ACSM2A: variants seen among roughly 807,000 people sequenced by gnomAD.
ACSM2A encodes the protein acyl-CoA synthetase medium chain family member 2A.
A neutral mutation model predicts 76.6 loss-of-function variants in ACSM2A; 72 were observed. That is an observed-to-expected ratio of 0.94 (90% CI 0.78 to 1.14). The LOEUF (loss-of-function observed/expected upper bound fraction) is 1.14, where lower values mean the gene tolerates loss of function less well. Ranked by LOEUF, ACSM2A falls within the 50% of genes most tolerant of loss-of-function variation. The probability of loss-of-function intolerance (pLI) is 0.00; values close to 1 mark genes in which losing one functional copy is unlikely to be tolerated. For synonymous variants in ACSM2A, 249 were observed against 255.9 expected (o/e 0.97, Z 0.26); for missense variants, 684 against 708.5 (o/e 0.97, Z 0.39).
At chr16:20,471,866 G>A (rs1478893592) in intron 6 of ACSM2A, among the ~76,000 whole-genome samples, 177 bp downstream of exon 6, 3 of 152,162 alleles carry the variant, frequency 2.0e-5, no homozygotes, top group East Asian at 3.8e-4. Flanking sequence ...CATGTTCTGG[G>A]GTAGGAGAGA....
At chr16:20,471,359 T>C in intron 5 of ACSM2A, 143 bp downstream of exon 5, 1 of 1,496,040 alleles carries the variant, frequency 6.7e-7, no homozygotes, top group Admixed American at 2.1e-5. Context: ...GATGTGTGGA[T>C]AGAACAACTT....
In ACSM2A at chr16:20,486,829, C is replaced by A; in HGVS notation, c.*151C>A. 2.2e-6 allele frequency: 2 copies of A among 914,454 alleles called. No individual in the cohort carries two copies. Among genetic ancestry groups the A allele is most frequent in the South Asian group, 1.7e-5 (1 of 57,882 alleles). The allele number at this position is 914,454 out of a possible 1,614,324, so 56.6% of individuals were successfully genotyped here. On this transcript the variant is annotated 3_prime_UTR_variant, in exon 14 of 14. Transcript: ENST00000573854. ...CTTGGTTATTAGCACAAAACTTTAC[C>A]ATGTTAGATGTTGAAAGAAGAAAGG...
Position 20,475,414 on chromosome 16 carries a change from G to T in ACSM2A, c.947G>T (p.Arg316Leu), listed in dbSNP as rs199633879. The T allele has an allele frequency of 1.9e-6, 3 of 1,613,750 alleles. No homozygotes were observed. The highest frequency in any genetic ancestry group is 2.5e-6 in the Non-Finnish European group (3 of 1,179,730). Residue 316 changes from arginine (R) to leucine (L), a missense_variant, in exon 7 of 14, where the codon CGG (arginine) becomes CTG (leucine). This residue lies in a region of ACSM2A where 519 missense variants were observed against 549.5 expected (regional missense o/e 0.94). Coordinates refer to ENST00000573854, the MANE Select transcript of ACSM2A (RefSeq NM_001308172.2). ...KSMMGAPIVY[R>L]MLLQQDLSSY... Reference sequence around the variant, plus strand: ...ATGATGGGTGCCCCCATTGTTTACCGGATGTTGCTACAGCAGGATCTTTCC... The same window carrying T: ...ATGATGGGTGCCCCCATTGTTTACCTGATGTTGCTACAGCAGGATCTTTCC...
At chr16:20,464,351 C>T (rs998765962) in intron 2 of ACSM2A, among the ~76,000 whole-genome samples, 4 of 152,106 alleles carry the variant, frequency 2.6e-5, no homozygotes, top group Admixed American at 2.6e-4. Flanking sequence ...AAAGGAATAC[C>T]TGAGACTAGG....
At chr16:20,469,389 T>C (rs1162270731) in intron 3 of ACSM2A, 123 bp from the exon 4 acceptor site, 7 of 1,504,834 alleles carry the variant, frequency 4.7e-6, no homozygotes, top group African/African-American at 1.4e-5. Flanking sequence ...TGACACTCTC[T>C]ATTGGTCATT....
chr16:20,460,372 T>A (rs1219391164), intron 2 of ACSM2A, 81 bp downstream of exon 2: 87 of 1,500,144 alleles, frequency 5.8e-5, no homozygotes, highest in Non-Finnish European at 7.1e-5. Flanking sequence ...TAAATATTTG[T>A]TAAGTACTTA....
intron 1 of ACSM2A, among the ~76,000 whole-genome samples, chr16:20,458,938 A>G (rs1226543344): frequency 2.1e-5 from 3 of 142,320 alleles, no homozygotes; most frequent in Non-Finnish European, 4.5e-5. Flanking sequence ...ATATACATAT[A>G]TATATATAAT....
chr16:20,482,164 A>G (rs8046848), intron 12 of ACSM2A: 120,612 of 145,212 alleles, frequency 0.83, 50,462 homozygotes, highest in African/African-American at 0.92. Flanking sequence ...AAGAAAGAAA[A>G]AAAAAGAAAA....
chr16:20,459,220 T>C (rs2012451788), intron 1 of ACSM2A, among the ~76,000 whole-genome samples: 1 of 151,958 alleles, frequency 6.6e-6, no homozygotes, highest in Non-Finnish European at 1.5e-5. Context: ...GTTAAGTGTA[T>C]ACTCCTCGGG....
At chr16:20,476,693 G>C (rs1432668479) in intron 8 of ACSM2A, 1 of 993,012 alleles carries the variant, frequency 1.0e-6, no homozygotes, top group Non-Finnish European at 1.2e-6. Context: ...CCAGCACAGT[G>C]GGTGGCGGGA....
At chr16:20,462,821 T>A (rs181862488) in intron 2 of ACSM2A, among the ~76,000 whole-genome samples, 117 of 151,708 alleles carry the variant, frequency 7.7e-4, no homozygotes, top group African/African-American at 2.8e-3. Flanking sequence ...CAACTCTGGG[T>A]ATACACCAAA....
intron 2 of ACSM2A, among the ~76,000 whole-genome samples, chr16:20,461,207 T>C (rs2012603308): frequency 6.8e-6 from 1 of 146,588 alleles, no homozygotes; most frequent in Non-Finnish European, 1.5e-5. Flanking sequence ...CATGATGTCC[T>C]AAGTTCCCTA....
At chr16:20,474,038 C>A (rs918262673) in intron 6 of ACSM2A, 2 of 448,678 alleles carry the variant, frequency 4.5e-6, no homozygotes. Context: ...TTCAAGTTGC[C>A]CCACCTTTCT....
At chr16:20,468,461 G>A (rs542918386) in intron 3 of ACSM2A, among the ~76,000 whole-genome samples, 1 of 152,342 alleles carries the variant, frequency 6.6e-6, no homozygotes, top group Non-Finnish European at 1.5e-5. Flanking sequence ...CCAGGTTCAA[G>A]CAATCCTCCT....
At position 20,469,617 on chromosome 16, in the gene ACSM2A, A is replaced by G. The variant is rs953388361; in HGVS notation, c.494A>G (p.Gln165Arg). ...ATTGTTGCTGGGGATGAAGTCATCC[A>G]AGAAGTGGACACAGTGGCATCTGAA... ...KAIVAGDEVIQEVDTVASECP... is the reference protein window; with the variant it reads ...KAIVAGDEVIREVDTVASECP... Residue 165 changes from glutamine (Q) to arginine (R), a missense_variant, in exon 4 of 14, where the codon CAA (glutamine) becomes CGA (arginine). Gln to Arg is a conservative substitution (Grantham distance 43). Around this residue, in one of 3 missense-constraint regions of ACSM2A, gnomAD observed 519 missense variants for 549.5 expected, o/e 0.94. Transcript: ENST00000573854. 3.1e-6 allele frequency: 5 copies of G among 1,613,792 alleles called. No individual in the cohort carries two copies. The highest frequency in any genetic ancestry group is 1.3e-5 in the African/African-American group (1 of 74,920).
intron 2 of ACSM2A, among the ~76,000 whole-genome samples, chr16:20,462,757 G>A (rs377552480): frequency 9.9e-5 from 15 of 152,026 alleles, no homozygotes; most frequent in Non-Finnish European, 1.6e-4. Context: ...ATTATGGAAA[G>A]CAATATAACA....
intron 1 of ACSM2A, chr16:20,453,342 C>A (rs2011906201): frequency 6.6e-6 from 1 of 151,510 alleles, no homozygotes; most frequent in South Asian, 2.1e-4. Flanking sequence ...AAAATTAATA[C>A]TTTTATAATT....
intron 6 of ACSM2A, among the ~76,000 whole-genome samples, chr16:20,473,769 G>A (rs1363890878): frequency 6.6e-6 from 1 of 151,902 alleles, no homozygotes; most frequent in Non-Finnish European, 1.5e-5. Context: ...AAGTGGGAGT[G>A]GGACATGCCT....
intron 1 of ACSM2A, among the ~76,000 whole-genome samples, chr16:20,458,286 C>T (rs1394150438): frequency 2.0e-5 from 3 of 148,290 alleles, no homozygotes; most frequent in Non-Finnish European, 3.0e-5. Flanking sequence ...TCATTCTTCA[C>T]AGAACTAGAA....
Sources: gnomAD v4.1 joint callset for allele counts (sites outside exome capture counted in the v4.1 genomes callset) on GRCh38, gnomAD v4.1.1 for gene constraint, gnomAD v4.1.1 regional missense constraint, MANE v1.5 for transcripts, NCBI Gene and HGNC (gene_info 2026-07-23, HGNC 2026-07-21) for gene names.